Variants in CACNB4 observed in about 807,000 individuals in gnomAD.
CACNB4 encodes voltage-dependent L-type calcium channel subunit beta-4.
A neutral mutation model predicts 71.2 loss-of-function variants in CACNB4; 32 were observed. The observed-to-expected ratio is 0.45, with a 90% confidence interval of 0.34 to 0.60. CACNB4 has a LOEUF of 0.60. Ranked by LOEUF, CACNB4 falls within the 20% of genes least tolerant of loss-of-function variation. The probability of loss-of-function intolerance (pLI) is 0.01; values close to 1 mark genes in which losing one functional copy is unlikely to be tolerated. For missense variants in CACNB4, 464 were observed against 647.9 expected (o/e 0.72, Z 3.08); for synonymous variants, 231 against 236.9 (o/e 0.97, Z 0.23).
At chr2:152,038,828 C>T (rs566237935) in intron 2 of CACNB4, among the ~76,000 whole-genome samples, 2 of 152,156 alleles carry the variant, frequency 1.3e-5, no homozygotes, top group Non-Finnish European at 2.9e-5. Flanking sequence ...AGGCCTTCCA[C>T]CTCCCAGCCC....
chr2:152,089,658 G>T (rs1579279036), intron 2 of CACNB4, among the ~76,000 whole-genome samples: 1 of 152,136 alleles, frequency 6.6e-6, no homozygotes, highest in Non-Finnish European at 1.5e-5. Context: ...AAAGCCAAGC[G>T]CAGTGGCTCA....
chr2:151,944,069 C>G (rs542639044), intron 2 of CACNB4, among the ~76,000 whole-genome samples: 1 of 147,736 alleles, frequency 6.8e-6, no homozygotes, highest in Admixed American at 6.8e-5. Flanking sequence ...TGTTCTGTTG[C>G]CCAGGCTGGA....
chr2:151,976,790 C>G (rs1355069627), intron 2 of CACNB4, among the ~76,000 whole-genome samples: 1 of 152,182 alleles, frequency 6.6e-6, no homozygotes, highest in Non-Finnish European at 1.5e-5. Context: ...TAAACTGAGA[C>G]CAGGCTGAGA....
intron 2 of CACNB4, among the ~76,000 whole-genome samples, chr2:151,921,127 A>G (rs1312920495): frequency 6.7e-6 from 1 of 150,214 alleles, no homozygotes; most frequent in East Asian, 1.9e-4. Context: ...ACAGAGCAAG[A>G]CTCCGTCTCA....
intron 13 of CACNB4, 136 bp from the exon 14 acceptor site, chr2:151,839,515 T>C: frequency 1.5e-6 from 1 of 680,124 alleles, no homozygotes; most frequent in South Asian, 1.8e-5. Flanking sequence ...GATGCACCAA[T>C]GATCTGCTTA....
intron 3 of CACNB4, chr2:151,882,977 A>T (rs1011278097): frequency 9.4e-6 from 4 of 426,880 alleles, no homozygotes; most frequent in Non-Finnish European, 1.7e-5. Flanking sequence ...GTCTGCCAAC[A>T]CTGGGCATGG....
At chr2:151,895,449 G>A (rs1171846411) in intron 2 of CACNB4, among the ~76,000 whole-genome samples, 3 of 151,358 alleles carry the variant, frequency 2.0e-5, no homozygotes, top group South Asian at 2.1e-4. Flanking sequence ...TCAGAAGATC[G>A]CATTGTACAA....
At chr2:152,028,275 A>C (rs116713815) in intron 2 of CACNB4, among the ~76,000 whole-genome samples, 122 of 152,354 alleles carry the variant, frequency 8.0e-4, no homozygotes, top group African/African-American at 2.8e-3. Context: ...CCAGCAAAGG[A>C]CACAACTGGG....
intron 2 of CACNB4, among the ~76,000 whole-genome samples, chr2:151,900,111 A>G (rs2099853012): frequency 6.6e-6 from 1 of 152,210 alleles, no homozygotes; most frequent in Non-Finnish European, 1.5e-5. Context: ...AAATAAAGGC[A>G]ATGTTTGTAG....
chr2:151,855,501 G>C, intron 10 of CACNB4, 126 bp from the exon 11 acceptor site: 2 of 701,376 alleles, frequency 2.9e-6, no homozygotes, highest in Non-Finnish European at 4.3e-6. Flanking sequence ...AATTTTCATA[G>C]TCCTGTCTAA....
chr2:151,888,671 A>G (rs370549593), intron 2 of CACNB4, among the ~76,000 whole-genome samples: 3 of 152,354 alleles, frequency 2.0e-5, no homozygotes, highest in South Asian at 4.1e-4. Flanking sequence ...CTCACAACCT[A>G]GCTTAGCTGT....
At chr2:152,043,993 G>C (rs1685009429) in intron 2 of CACNB4, among the ~76,000 whole-genome samples, 1 of 152,072 alleles carries the variant, frequency 6.6e-6, no homozygotes, top group Non-Finnish European at 1.5e-5. Flanking sequence ...ATCACTTGGG[G>C]CAAGGAGTTC....
chr2:152,086,850 G>A (rs932101792), intron 2 of CACNB4, among the ~76,000 whole-genome samples: 1 of 152,214 alleles, frequency 6.6e-6, no homozygotes, highest in Non-Finnish European at 1.5e-5. Flanking sequence ...GAGTTTTGTG[G>A]CCGGGCGCGG....
intron 2 of CACNB4, among the ~76,000 whole-genome samples, chr2:152,035,651 C>CTCTCTCTCTCTCTCTATATA (rs796161186): frequency 7.6e-5 from 9 of 118,074 alleles, no homozygotes; most frequent in African/African-American, 2.9e-4. Flanking sequence ...CTCTCTCTCT[C>CTCTCTCTCTCTCTCTATATA]TATATATATA....
intron 10 of CACNB4, chr2:151,858,374 C>G (rs573339327): frequency 3.9e-5 from 6 of 152,188 alleles, no homozygotes; most frequent in African/African-American, 9.7e-5. Context: ...GCAACATTTC[C>G]CAAAGTGAGT....
rs570476246 is a variant in CACNB4 at position 151,986,918 on chromosome 2, GT to G, written c.148-103549del. Among the ~76,000 whole-genome samples the G allele has an allele frequency of 3.9e-5, 6 of 152,160 alleles. No individual in the cohort carries two copies. In the East Asian group the frequency reaches 1.2e-3, roughly 29 times the overall value. On this transcript the variant is annotated intron_variant, in intron 2 of 13. Transcript: ENST00000539935. ...TTCAGCAGGAGTTGCTTCAGAGATT[GT>G]TTTTTTCCCTCTCAGGTGCTCAAAG...
chr2:151,937,766 G>A (rs1283729635), intron 2 of CACNB4, among the ~76,000 whole-genome samples: 1 of 152,188 alleles, frequency 6.6e-6, no homozygotes, highest in African/African-American at 2.4e-5. Context: ...GGCCACCAAT[G>A]TAATGGTCAA....
In CACNB4 at chr2:151,877,399, T is replaced by C. The variant is rs116586848; in HGVS notation, c.391-843A>G. ...TATAGTTTGTGAATCCCTGGACTAA[T>C]GTCTGGTCCTAACCTTTGGATTCTT... On this transcript the variant is annotated intron_variant, in intron 4 of 13. Transcript: ENST00000539935. Among the ~76,000 whole-genome samples, 584 of 152,302 alleles carry C rather than the reference T, an allele frequency of 3.8e-3. 6 individuals are homozygous for C. Among genetic ancestry groups the C allele is most frequent in the African/African-American group, 0.014 (566 of 41,558 alleles).
intron 2 of CACNB4, among the ~76,000 whole-genome samples, chr2:152,024,331 TA>T (rs1683847662): frequency 6.6e-6 from 1 of 152,158 alleles, no homozygotes; most frequent in African/African-American, 2.4e-5. Context: ...AAAAAAGAAC[TA>T]ATTGTTTACC....
Sources: gnomAD v4.1 joint callset for allele counts (sites outside exome capture counted in the v4.1 genomes callset) on GRCh38, gnomAD v4.1.1 for gene constraint, MANE v1.5 for transcripts, NCBI Gene and HGNC (gene_info 2026-07-23, HGNC 2026-07-21) for gene names.